The following BAZ2B variants were observed in gnomAD, a reference collection of about 807,000 sequenced individuals.
BAZ2B encodes bromodomain adjacent to zinc finger domain protein 2B.
In BAZ2B, 91 loss-of-function variants were observed where a neutral mutation model predicts 246.0. That is an observed-to-expected ratio of 0.37 (90% confidence interval 0.31 to 0.44). BAZ2B has a LOEUF of 0.44. Ranked by LOEUF, BAZ2B falls within the 20% of genes least tolerant of loss-of-function variation. The probability of loss-of-function intolerance (pLI) is 1.00; values close to 1 mark genes in which losing one functional copy is unlikely to be tolerated. For missense variants in BAZ2B, 2,332 were observed against 2,533.7 expected, an observed-to-expected ratio of 0.92 and a Z score of 1.71; for synonymous variants, 855 against 860.0, an observed-to-expected ratio of 0.99 and a Z score of 0.10.
intron 3 of BAZ2B, among the ~76,000 whole-genome samples, chr2:159,474,876 T>C (rs758751308): frequency 6.6e-6 from 1 of 152,214 alleles, no homozygotes; most frequent in Non-Finnish European, 1.5e-5. Context: ...GAATGTTGAA[T>C]ATTGGCCCCC....
At chr2:159,548,875 T>G (rs1264429611) in intron 2 of BAZ2B, among the ~76,000 whole-genome samples, 2 of 152,180 alleles carry the variant, frequency 1.3e-5, no homozygotes, top group African/African-American at 2.4e-5. Context: ...AAATTTACAT[T>G]AAAATAACTC....
At chr2:159,337,385 A>G (rs901275020) in intron 32 of BAZ2B, 182 bp downstream of exon 32, 3 of 1,393,996 alleles carry the variant, frequency 2.2e-6, no homozygotes, top group Admixed American at 2.2e-5. Flanking sequence ...GAAGATACAT[A>G]GATAACAGGC....
At chr2:159,694,235 G>A in the BAZ2B span, 2 of 152,156 alleles carry the variant, frequency 1.3e-5, no homozygotes, top group African/African-American at 4.8e-5. Flanking sequence ...CAAAAAAGAG[G>A]CCTGAGAATG....
At chr2:159,423,701 T>C (rs889845120) in intron 13 of BAZ2B, among the ~76,000 whole-genome samples, 14 of 152,214 alleles carry the variant, frequency 9.2e-5, no homozygotes, top group African/African-American at 3.4e-4. Flanking sequence ...AAGAATGATA[T>C]CTTATCCTTT....
Position 159,433,142 on chromosome 2 carries a change from A to T in BAZ2B, c.1515T>A (p.Ala505=). The T allele has an allele frequency of 1.2e-6, 2 of 1,614,216 alleles. No individual in the cohort carries two copies. The highest frequency in any genetic ancestry group is 1.7e-6 in the Non-Finnish European group (2 of 1,180,030). The change falls in exon 9 of 37, where the codon GCT becomes GCA. Residue 505 remains alanine, a synonymous_variant. Transcript: ENST00000392783. ...NGVIQSVIQE[A]PLALTTKTKM... is the part of the protein sequence containing the mutation. Reference sequence around the variant, plus strand: ...TAGTTTTGGTAGTAAGTGCTAGAGGAGCTTCTTGAATGACACTTTGAATAA... The same window carrying T: ...TAGTTTTGGTAGTAAGTGCTAGAGGTGCTTCTTGAATGACACTTTGAATAA...
At chr2:159,455,659 A>G (rs1306388806) in intron 3 of BAZ2B, among the ~76,000 whole-genome samples, 2 of 151,946 alleles carry the variant, frequency 1.3e-5, no homozygotes, top group African/African-American at 4.8e-5. Context: ...GGACTGCATT[A>G]GCACTGAAGA....
chr2:159,414,679 C>G (rs377303130), intron 13 of BAZ2B, among the ~76,000 whole-genome samples: 2 of 151,550 alleles, frequency 1.3e-5, no homozygotes, highest in East Asian at 3.9e-4. Context: ...TAGCTGGGCA[C>G]GGTGGCGGGT....
chr2:159,683,075 T>C, the BAZ2B span, among the ~76,000 whole-genome samples: 1 of 152,192 alleles, frequency 6.6e-6, no homozygotes, highest in Non-Finnish European at 1.5e-5. Flanking sequence ...TGTACTTGTA[T>C]AGAGTTGCCA....
At chr2:159,412,945 T>C (rs1381201795) in intron 13 of BAZ2B, among the ~76,000 whole-genome samples, 3 of 152,312 alleles carry the variant, frequency 2.0e-5, no homozygotes, top group African/African-American at 7.2e-5. Flanking sequence ...ACCCAAATAA[T>C]ACATGAAAGT....
chr2:159,487,747 T>A (rs1418130448), intron 2 of BAZ2B, among the ~76,000 whole-genome samples: 1 of 151,420 alleles, frequency 6.6e-6, no homozygotes, highest in Non-Finnish European at 1.5e-5. Context: ...CTTCAGAGCT[T>A]GAAGACAAGG....
intron 2 of BAZ2B, among the ~76,000 whole-genome samples, chr2:159,522,723 GATCA>G (rs1181788064): frequency 3.3e-5 from 5 of 152,186 alleles, no homozygotes; most frequent in South Asian, 2.1e-4. Context: ...ACCACAGAAC[GATCA>G]ATCAATCTAA....
intron 8 of BAZ2B, chr2:159,435,327 G>A (rs747495509): frequency 1.3e-5 from 2 of 148,666 alleles, no homozygotes; most frequent in African/African-American, 2.5e-5. Flanking sequence ...CTATGGGCAC[G>A]TGCCACCATA....
Position 159,487,365 on chromosome 2 carries a change from T to C in BAZ2B, c.-2-8644A>G, listed in dbSNP as rs2079955705. Reference sequence around the variant, plus strand: ...TGTGAGATTTTGTTTAAAGAAAAGGTCCCAGTGCTTTTTTAAAAAGGTGGT... The same window carrying C: ...TGTGAGATTTTGTTTAAAGAAAAGGCCCCAGTGCTTTTTTAAAAAGGTGGT... On this transcript the variant is annotated intron_variant, in intron 2 of 36. Transcript: ENST00000392783. Among the ~76,000 whole-genome samples, 6 of 152,104 alleles carry C rather than the reference T, an allele frequency of 3.9e-5. No homozygotes were observed. The South Asian group carries it at 1.2e-3, about 31-fold the overall frequency.
intron 19 of BAZ2B, chr2:159,397,109 AAG>A: frequency 6.9e-7 from 1 of 1,458,058 alleles, no homozygotes; most frequent in Non-Finnish European, 9.2e-7. Context: ...TCCTGGTAGA[AAG>A]AGTTGGCACA....
chr2:159,472,450 C>T (rs991444100), intron 3 of BAZ2B, among the ~76,000 whole-genome samples: 1 of 152,216 alleles, frequency 6.6e-6, no homozygotes, highest in East Asian at 1.9e-4. Context: ...TTCTATTCCT[C>T]TTTCCTCTAT....
At chr2:159,434,079 T>C (rs10192547) in intron 8 of BAZ2B, 69,951 of 151,980 alleles carry the variant, frequency 0.46, 17,467 homozygotes, top group Middle Eastern at 0.59. Flanking sequence ...CATCAAGGGA[T>C]TATTGTACCA....
In BAZ2B at chr2:159,535,248, G is replaced by A. The variant is rs564637779; in HGVS notation, c.-3+20575C>T. On this transcript the variant is annotated intron_variant, in intron 2 of 36. Coordinates refer to ENST00000392783, the MANE Select transcript of BAZ2B (RefSeq NM_013450.4). ...TTATGAAAAATACACCTGGCTGGGC[G>A]CGGTGGCTCACGCCTGTGATTCCAG... Among the ~76,000 whole-genome samples the A allele has an allele frequency of 7.9e-4, 113 of 143,492 alleles. 1 individual carries two copies. Among genetic ancestry groups the A allele is most frequent in the Non-Finnish European group, 1.1e-3 (74 of 67,998 alleles). The allele number at this position is 143,492 out of a possible 152,430, so 94.1% of individuals were successfully genotyped here.
Position 159,597,724 on chromosome 2 carries a change from G to A in BAZ2B, c.-46+18518C>T, listed in dbSNP as rs539417262. ...GCCCGCCTTGGCCTCCCAAAGTGATGGGATTACAGGAGTGAGCCACCTCCT... is the reference window on the plus strand; with the variant it reads ...GCCCGCCTTGGCCTCCCAAAGTGATAGGATTACAGGAGTGAGCCACCTCCT... On this transcript the variant is annotated intron_variant, in intron 1 of 36. Transcript: ENST00000392783. Among the ~76,000 whole-genome samples the A allele has an allele frequency of 2.0e-5, 3 of 152,138 alleles. No individual in the cohort carries two copies. The South Asian group carries it at 6.2e-4, about 32-fold the overall frequency.
Position 159,590,187 on chromosome 2 carries a change from CAAAAAAAAAAAAAAA to C in BAZ2B, c.-46+26040_-46+26054del, listed in dbSNP as rs552786270. Among the ~76,000 whole-genome samples, 87 of 20,328 alleles carry C rather than the reference CAAAAAAAAAAAAAAA, an allele frequency of 4.3e-3. 1 individual carries two copies. The highest frequency in any genetic ancestry group is 0.019 in the African/African-American group (79 of 4,074). 13.3% of individuals were successfully genotyped at this position (20,328 alleles called of 152,430 possible). A position where few individuals can be genotyped will look rare whatever the true frequency, so the allele number is the denominator to read the frequency against. ...GGGAAACAAGAGCAAGACTCCATCT[CAAAAAAAAAAAAAAA>C]AAAAAAAAAAAAAAAAAAAAAAAAA... On this transcript the variant is annotated intron_variant, in intron 1 of 36. Transcript: ENST00000392783.
Sources: allele counts gnomAD v4.1 joint callset (sites outside exome capture counted in the v4.1 genomes callset), GRCh38; gene constraint gnomAD v4.1.1; transcripts MANE v1.5; gene names NCBI Gene and HGNC (gene_info 2026-07-23, HGNC 2026-07-21).